Variants in WIPF3 observed in about 807,000 individuals in gnomAD.
WIPF3 encodes the protein WAS/WASL-interacting protein family member 3.
Under a neutral mutation model 38.9 loss-of-function variants are expected in WIPF3, and 33 were observed. The ratio of observed to expected loss-of-function variants is 0.85; its 90% CI spans 0.64 to 1.14. WIPF3 has a LOEUF of 1.14. Ranked by LOEUF, WIPF3 falls within the 50% of genes most tolerant of loss-of-function variation. WIPF3 has a pLI of 0.00. For missense variants in WIPF3, 711 were observed against 652.5 expected (o/e 1.09, Z -0.98); for synonymous variants, 324 against 269.3 (o/e 1.20, Z -1.99).
chr7:29,835,338 C>T (rs896690308), intron 2 of WIPF3, among the ~76,000 whole-genome samples: 1 of 152,132 alleles, frequency 6.6e-6, no homozygotes, highest in Non-Finnish European at 1.5e-5. Flanking sequence ...TGAATGTTCT[C>T]TCTTGGTTTC....
intron 2 of WIPF3, among the ~76,000 whole-genome samples, chr7:29,863,561 C>T (rs1168224837): frequency 6.6e-6 from 1 of 152,150 alleles, no homozygotes; most frequent in Non-Finnish European, 1.5e-5. Flanking sequence ...AGTTCCTTTG[C>T]CTTTCCATAT....
Position 29,834,742 on chromosome 7 carries a change from A to AC in WIPF3, c.23dup (p.Pro9ThrfsTer44). The stretch of plus-strand genomic sequence containing the variant: ...CGTGACACATGCCAGTGCCACCGCC[A>AC]CCCCCACCTCCTCTGCCTCCACCTC... On this transcript the variant is annotated frameshift_variant, in exon 2 of 9. Transcript: ENST00000242140. LOFTEE classifies it high-confidence loss of function. 1 of 1,377,076 alleles carries AC rather than the reference A, an allele frequency of 7.3e-7. No homozygotes were observed. The highest frequency in any genetic ancestry group is 9.6e-7 in the Non-Finnish European group (1 of 1,042,570). 85.3% of individuals were successfully genotyped at this position (1,377,076 alleles called of 1,614,324 possible). A position where few individuals can be genotyped will look rare whatever the true frequency, so the allele number is the denominator to read the frequency against.
chr7:29,891,045 G>GAA (rs1786005703), intron 7 of WIPF3, among the ~76,000 whole-genome samples: 2 of 134,304 alleles, frequency 1.5e-5, no homozygotes, highest in Admixed American at 1.5e-4. Context: ...GGTGGAGGGG[G>GAA]CACGGGCCTG....
chr7:29,892,191 GC>G (rs1481662542), intron 7 of WIPF3, among the ~76,000 whole-genome samples: 1 of 152,182 alleles, frequency 6.6e-6, no homozygotes, highest in African/African-American at 2.4e-5. Flanking sequence ...ACTCCCTCAG[GC>G]AGCAGGACTC....
chr7:29,894,949 CTTTTG>C (rs1324562968), intron 7 of WIPF3, among the ~76,000 whole-genome samples: 2 of 144,844 alleles, frequency 1.4e-5, no homozygotes, highest in African/African-American at 2.5e-5. Flanking sequence ...TTGTTTTTCG[CTTTTG>C]TTTTGTTTCA....
chr7:29,870,746 T>C (rs984612387), intron 2 of WIPF3, among the ~76,000 whole-genome samples: 6 of 152,184 alleles, frequency 3.9e-5, no homozygotes, highest in Admixed American at 3.3e-4. Context: ...TACACTGTAC[T>C]GTTTAAGATA....
chr7:29,876,388 C>A (rs1166377754), intron 3 of WIPF3, among the ~76,000 whole-genome samples: 1 of 152,188 alleles, frequency 6.6e-6, no homozygotes, highest in Admixed American at 6.5e-5. Flanking sequence ...GTAAGTCATT[C>A]CCCATTAGTC....
At chr7:29,842,203 A>G (rs1221222723) in intron 2 of WIPF3, among the ~76,000 whole-genome samples, 1 of 152,248 alleles carries the variant, frequency 6.6e-6, no homozygotes, top group Non-Finnish European at 1.5e-5. Context: ...ATAAAATAGA[A>G]TGTGGATTTT....
At chr7:29,839,854 C>T (rs1170333641) in intron 2 of WIPF3, among the ~76,000 whole-genome samples, 1 of 152,152 alleles carries the variant, frequency 6.6e-6, no homozygotes, top group Non-Finnish European at 1.5e-5. Context: ...CAGCAGAACA[C>T]CAATTAAGCA....
chr7:29,899,533 C>T (rs1786228972), intron 7 of WIPF3, among the ~76,000 whole-genome samples: 1 of 152,210 alleles, frequency 6.6e-6, no homozygotes, highest in Admixed American at 6.5e-5. Context: ...CACACAGACA[C>T]TCCTTACGTA....
chr7:29,816,231 A>G (rs756669359), intron 1 of WIPF3, among the ~76,000 whole-genome samples: 33 of 152,304 alleles, frequency 2.2e-4, no homozygotes, highest in Admixed American at 6.5e-4. Context: ...ACTGTAAAAT[A>G]TTTCCTGTAC....
chr7:29,814,719 T>A (rs1362509272), intron 1 of WIPF3, among the ~76,000 whole-genome samples: 1 of 152,214 alleles, frequency 6.6e-6, no homozygotes, highest in Admixed American at 6.5e-5. Context: ...TGAGAGATAG[T>A]TATGTAAGTG....
intron 8 of WIPF3, among the ~76,000 whole-genome samples, chr7:29,909,980 TA>T (rs1414928469): frequency 2.0e-5 from 3 of 151,894 alleles, no homozygotes. Context: ...TTAATTGGTA[TA>T]AAAAATAGTT....
rs1038371339 is a variant in WIPF3 at position 29,873,379 on chromosome 7, T to C, written c.91-2451T>C. Among the ~76,000 whole-genome samples the C allele has an allele frequency of 4.6e-5, 7 of 152,190 alleles. No homozygotes were observed. The South Asian group carries it at 6.2e-4, about 14-fold the overall frequency. On this transcript the variant is annotated intron_variant, in intron 2 of 8. Coordinates refer to ENST00000242140, the MANE Select transcript of WIPF3 (RefSeq NM_001080529.3). ...AGGAAAATTACAAAGCACGCTTTTT[T>C]CCCCAAATTCCCTGACCATAATGCA...
In WIPF3 at chr7:29,875,957, T is replaced by C. The variant is rs1412472883; in HGVS notation, c.218T>C (p.Ile73Thr). Residue 73 changes from isoleucine to threonine, a missense_variant, in exon 3 of 9, where the codon ATC becomes ACC. Physicochemically the swap from Ile to Thr is moderately conservative, Grantham distance 89. Coordinates refer to ENST00000242140, the MANE Select transcript of WIPF3 (RefSeq NM_001080529.3). ...TQINDRSAPQ[I>T]ESSKGTNKEG... ...ATCAACGACCGCAGTGCCCCGCAGA[T>C]CGAGAGTAAGTGAGCAGCCGGGCCA... 1 of 1,613,450 alleles carries C rather than the reference T, an allele frequency of 6.2e-7. No individual in the cohort carries two copies. The highest frequency in any genetic ancestry group is 1.7e-5 in the Admixed American group (1 of 60,004).
chr7:29,860,008 G>T lies in WIPF3; in HGVS notation c.91-15822G>T, dbSNP rs372924475. Among the ~76,000 whole-genome samples, 6 of 152,138 alleles carry T rather than the reference G, an allele frequency of 3.9e-5. No individual in the cohort carries two copies. The East Asian group carries it at 1.2e-3, about 29-fold the overall frequency. On this transcript the variant is annotated intron_variant, in intron 2 of 8. Coordinates refer to ENST00000242140, the MANE Select transcript of WIPF3 (RefSeq NM_001080529.3). ...GGACAGGGAATGGAGAACTAGGCAT[G>T]TGTGGTTGGCATCTGTAGTGTGTGG...
At chr7:29,887,224 C>T (rs921426414) in intron 5 of WIPF3, among the ~76,000 whole-genome samples, 1 of 152,156 alleles carries the variant, frequency 6.6e-6, no homozygotes, top group African/African-American at 2.4e-5. Flanking sequence ...AAAATAAGGG[C>T]AATTTCTACT....
chr7:29,858,918 C>G (rs542979379), intron 2 of WIPF3, among the ~76,000 whole-genome samples: 34 of 152,176 alleles, frequency 2.2e-4, no homozygotes, highest in African/African-American at 7.2e-4. Flanking sequence ...ATTGAAGAAC[C>G]TATTTTATTT....
chr7:29,884,365 G>GCCC lies in WIPF3; in HGVS notation c.873_875dup (p.Pro295dup). The stretch of plus-strand genomic sequence containing the variant: ...TGCGCAAGATGCGCAGGAGCCTCCC[G>GCCC]CCCCGCCGCCCCCGCTCCCCCCTTA... On this transcript the variant is annotated inframe_insertion, in exon 5 of 9. Coordinates refer to ENST00000242140, the MANE Select transcript of WIPF3 (RefSeq NM_001080529.3). The GCCC allele has an allele frequency of 5.2e-5, 30 of 573,274 alleles. No individual in the cohort carries two copies. The highest frequency in any genetic ancestry group is 2.0e-4 in the South Asian group (6 of 30,302). The allele number at this position is 573,274 out of a possible 1,614,324, so 35.5% of individuals were successfully genotyped here.
Sources: allele counts gnomAD v4.1 joint callset (sites outside exome capture counted in the v4.1 genomes callset), GRCh38; gene constraint gnomAD v4.1.1; transcripts MANE v1.5; gene names NCBI Gene and HGNC (gene_info 2026-07-23, HGNC 2026-07-21).